Variants in DCLK2 observed in about 807,000 individuals in gnomAD.
DCLK2 encodes serine/threonine-protein kinase DCLK2.
In DCLK2, 31 loss-of-function variants were observed where a neutral mutation model predicts 78.4. The ratio of observed to expected loss-of-function variants is 0.40; its 90% CI spans 0.30 to 0.53. DCLK2 has a LOEUF of 0.53. Among genes scored for constraint, DCLK2 ranks in the 20% least tolerant of loss-of-function variants. The pLI is 0.61. For missense variants in DCLK2, 872 were observed against 973.7 expected (o/e 0.90, Z 1.39); for synonymous variants, 407 against 374.9 (o/e 1.09, Z -0.99).
rs1253112930 is a variant in DCLK2, at chr4:150,232,383, A to T, written c.1346A>T (p.His449Leu). Reference protein sequence around the residue: ...NEVSILRRVKHPNIIMLVEEM... With the variant: ...NEVSILRRVKLPNIIMLVEEM... ...GTGTCAATACTGCGCCGAGTGAAACATCCCAATATCATTATGCTGGTCGAG... is the reference window on the plus strand; with the variant it reads ...GTGTCAATACTGCGCCGAGTGAAACTTCCCAATATCATTATGCTGGTCGAG... The change falls in exon 9 of 16, where the codon CAT becomes CTT. Residue 449 changes from histidine (H) to leucine (L), a missense_variant. This residue lies in a region of DCLK2 where 567 missense variants were observed against 593.4 expected (regional missense o/e 0.96). Transcript: ENST00000296550. The T allele has an allele frequency of 6.2e-7, 1 of 1,614,172 alleles. No homozygotes were observed. The highest frequency in any genetic ancestry group is 1.1e-5 in the South Asian group (1 of 91,074).
At chr4:150,215,354 C>G (rs1295796142) in intron 5 of DCLK2, among the ~76,000 whole-genome samples, 1 of 152,096 alleles carries the variant, frequency 6.6e-6, no homozygotes, top group African/African-American at 2.4e-5. Flanking sequence ...GCCCATTCCC[C>G]AAAACTACCC....
At chr4:150,196,447 A>G (rs1739036685) in intron 3 of DCLK2, among the ~76,000 whole-genome samples, 1 of 152,190 alleles carries the variant, frequency 6.6e-6, no homozygotes, top group South Asian at 2.1e-4. Context: ...GAATCTTTCA[A>G]ATGCTAACTA....
At chr4:150,247,831 G>T (rs1743449652) in intron 13 of DCLK2, 132 bp downstream of exon 13, 3 of 687,434 alleles carry the variant, frequency 4.4e-6, no homozygotes, top group Non-Finnish European at 2.4e-6. Flanking sequence ...CTTCTTTTAA[G>T]TTTATCCCAT....
At chr4:150,241,319 C>T (rs1181214700) in intron 12 of DCLK2, among the ~76,000 whole-genome samples, 1 of 152,158 alleles carries the variant, frequency 6.6e-6, no homozygotes, top group Non-Finnish European at 1.5e-5. Flanking sequence ...TTGAGCAGGG[C>T]ACGGGAGCAC....
chr4:150,103,543 A>G (rs1459303227), intron 2 of DCLK2, among the ~76,000 whole-genome samples: 1 of 152,146 alleles, frequency 6.6e-6, no homozygotes, highest in Admixed American at 6.6e-5. Flanking sequence ...CAAATTCCAT[A>G]AAGTTAAATT....
intron 1 of DCLK2, among the ~76,000 whole-genome samples, chr4:150,099,515 C>G (rs147560696): frequency 1.5e-4 from 23 of 152,308 alleles, no homozygotes; most frequent in African/African-American, 5.3e-4. Flanking sequence ...ATAAGACAAG[C>G]TAGCTTGGGT....
At chr4:150,081,422 A>AT (rs1729256313) in intron 1 of DCLK2, among the ~76,000 whole-genome samples, 1 of 152,194 alleles carries the variant, frequency 6.6e-6, no homozygotes, top group African/African-American at 2.4e-5. Context: ...TCATTCACTG[A>AT]TTTTTAGTGG....
intron 8 of DCLK2, among the ~76,000 whole-genome samples, chr4:150,225,916 A>G (rs1288222705): frequency 6.6e-6 from 1 of 152,194 alleles, no homozygotes; most frequent in African/African-American, 2.4e-5. Context: ...CACCTAGAAC[A>G]TAAGATTATT....
At chr4:150,229,405 A>G (rs1257472656) in intron 8 of DCLK2, among the ~76,000 whole-genome samples, 1 of 152,160 alleles carries the variant, frequency 6.6e-6, no homozygotes, top group Non-Finnish European at 1.5e-5. Context: ...AACTGAATGG[A>G]TGAATGGATG....
intron 2 of DCLK2, among the ~76,000 whole-genome samples, chr4:150,130,056 G>A (rs763438933): frequency 1.8e-4 from 27 of 152,090 alleles, no homozygotes; most frequent in Non-Finnish European, 3.4e-4. Context: ...ATGAGAGAAC[G>A]GGATTAAATT....
At chr4:150,223,773 A>ATAAATAAC (rs1352334350) in intron 7 of DCLK2, among the ~76,000 whole-genome samples, 1 of 151,862 alleles carries the variant, frequency 6.6e-6, no homozygotes, top group Non-Finnish European at 1.5e-5. Flanking sequence ...AAATAAATAA[A>ATAAATAAC]TAACATCAAG....
At chr4:150,234,712 A>T (rs1044453274) in intron 10 of DCLK2, among the ~76,000 whole-genome samples, 2 of 151,094 alleles carry the variant, frequency 1.3e-5, no homozygotes, top group Non-Finnish European at 2.9e-5. Context: ...TTTCATTTCT[A>T]TATGTTCTTA....
chr4:150,224,676 C>G (rs1741462889), intron 8 of DCLK2, 118 bp downstream of exon 8: 3 of 715,190 alleles, frequency 4.2e-6, no homozygotes, highest in Non-Finnish European at 6.6e-6. Flanking sequence ...GAGTAGAGAC[C>G]AGTAATAGTG....
chr4:150,230,244 T>G (rs1741937679), intron 8 of DCLK2, among the ~76,000 whole-genome samples: 1 of 152,230 alleles, frequency 6.6e-6, no homozygotes, highest in South Asian at 2.1e-4. Flanking sequence ...TTCCACAATG[T>G]ATCCCAGAAG....
chr4:150,121,767 CA>C (rs1732560677), intron 2 of DCLK2, among the ~76,000 whole-genome samples: 1 of 152,200 alleles, frequency 6.6e-6, no homozygotes, highest in African/African-American at 2.4e-5. Flanking sequence ...GTATTTCTTA[CA>C]TCAGACTTGA....
chr4:150,247,680 A>G lies in DCLK2; in HGVS notation c.1856A>G (p.Asn619Ser). 2 of 1,614,060 alleles carry G rather than the reference A, an allele frequency of 1.2e-6. No homozygotes were observed. Among genetic ancestry groups the G allele is most frequent in the Non-Finnish European group, 1.7e-6 (2 of 1,179,990 alleles). The change falls in exon 13 of 16, where the codon AAC becomes AGC. Residue 619 changes from asparagine to serine, a missense_variant. Around this residue, in one of 3 missense-constraint regions of DCLK2, gnomAD observed 219 missense variants for 230.1 expected, o/e 0.95. Transcript: ENST00000296550. Reference sequence around the variant, plus strand: ...GAGTTTCCGGCCCCCTACTGGGATAACATCACGGACTCTGCCAAGGTACCC... The same window carrying G: ...GAGTTTCCGGCCCCCTACTGGGATAGCATCACGGACTCTGCCAAGGTACCC... Reference protein sequence around the residue: ...KLEFPAPYWDNITDSAKELIS... With the variant: ...KLEFPAPYWDSITDSAKELIS...
chr4:150,137,212 G>A (rs1733755500), intron 2 of DCLK2, among the ~76,000 whole-genome samples: 1 of 151,924 alleles, frequency 6.6e-6, no homozygotes, highest in Non-Finnish European at 1.5e-5. Flanking sequence ...AAGATAGTAG[G>A]GAGTAGGGTG....
chr4:150,226,075 A>G (rs1461758409), intron 8 of DCLK2, among the ~76,000 whole-genome samples: 1 of 152,212 alleles, frequency 6.6e-6, no homozygotes, highest in Non-Finnish European at 1.5e-5. Flanking sequence ...TTGTCATTTT[A>G]TAGTTATGGA....
At chr4:150,163,533 G>T (rs1004293678) in intron 2 of DCLK2, among the ~76,000 whole-genome samples, 1 of 152,158 alleles carries the variant, frequency 6.6e-6, no homozygotes, top group Non-Finnish European at 1.5e-5. Context: ...CCACCCCATG[G>T]TGTGTGATTT....
Sources: allele counts gnomAD v4.1 joint callset (sites outside exome capture counted in the v4.1 genomes callset), GRCh38; gene constraint gnomAD v4.1.1; regional missense constraint gnomAD v4.1.1; transcripts MANE v1.5; gene names NCBI Gene and HGNC (gene_info 2026-07-23, HGNC 2026-07-21).